The following MAPKAP1 variants were observed in gnomAD, a reference collection of about 807,000 sequenced individuals.
The protein encoded by MAPKAP1 is MAPK associated protein 1.
Under a neutral mutation model 65.7 loss-of-function variants are expected in MAPKAP1, and 20 were observed. The ratio of observed to expected loss-of-function variants is 0.30; its 90% CI spans 0.21 to 0.44. The LOEUF is 0.44. Ranked by LOEUF, MAPKAP1 falls within the 20% of genes least tolerant of loss-of-function variation. MAPKAP1 has a pLI of 1.00. For synonymous variants in MAPKAP1, 222 were observed against 244.3 expected (o/e 0.91, Z 0.85); for missense variants, 423 against 648.0 (o/e 0.65, Z 3.77).
intron 7 of MAPKAP1, among the ~76,000 whole-genome samples, chr9:125,507,487 A>G (rs1447172007): frequency 6.6e-6 from 1 of 152,216 alleles, no homozygotes; most frequent in Non-Finnish European, 1.5e-5. Flanking sequence ...CAACTTGTGG[A>G]TTAATCACAT....
At chr9:125,541,672 G>A (rs937643249) in intron 7 of MAPKAP1, among the ~76,000 whole-genome samples, 1 of 152,012 alleles carries the variant, frequency 6.6e-6, no homozygotes, top group South Asian at 2.1e-4. Context: ...TGACCCCCAC[G>A]CAATGGATAA....
At chr9:125,488,566 G>A (rs886134748) in intron 8 of MAPKAP1, among the ~76,000 whole-genome samples, 1 of 152,142 alleles carries the variant, frequency 6.6e-6, no homozygotes, top group South Asian at 2.1e-4. Context: ...GGCTGGTCTC[G>A]AACTCCTGAC....
chr9:125,615,845 C>A (rs143033443), intron 4 of MAPKAP1, among the ~76,000 whole-genome samples: 4 of 150,220 alleles, frequency 2.7e-5, no homozygotes, highest in African/African-American at 9.8e-5. Flanking sequence ...GTTGCAGAGG[C>A]GGATGTTGCA....
chr9:125,446,306 A>G (rs1359215925), intron 10 of MAPKAP1, among the ~76,000 whole-genome samples: 1 of 152,192 alleles, frequency 6.6e-6, no homozygotes, highest in Non-Finnish European at 1.5e-5. Context: ...AAATTACCTA[A>G]TAATTTCTGA....
intron 1 of MAPKAP1, among the ~76,000 whole-genome samples, chr9:125,674,356 T>A (rs928045538): frequency 6.6e-6 from 1 of 152,228 alleles, no homozygotes; most frequent in Admixed American, 6.5e-5. Flanking sequence ...TCTTAGTAAG[T>A]TCGTGGCACA....
intron 1 of MAPKAP1, among the ~76,000 whole-genome samples, chr9:125,699,277 T>C (rs955499453): frequency 6.6e-5 from 10 of 152,262 alleles, no homozygotes; most frequent in South Asian, 2.1e-4. Context: ...AGCACAATCA[T>C]GGCTCACTGC....
In MAPKAP1 at chr9:125,649,188, A is replaced by G. The variant is rs1011247352; in HGVS notation, c.498+8463T>C. 2.6e-5 allele frequency among the ~76,000 whole-genome samples: 4 copies of G among 152,316 alleles called. No individual in the cohort carries two copies. In the South Asian group the frequency reaches 6.2e-4, roughly 24 times the overall value. Reference sequence around the variant, plus strand: ...ACCATCCCTAGTCCCCTCCATACCTACAAGGATTGTCTCCTGGGCTAGACC... The same window carrying G: ...ACCATCCCTAGTCCCCTCCATACCTGCAAGGATTGTCTCCTGGGCTAGACC... On this transcript the variant is annotated intron_variant, in intron 4 of 11. Transcript: ENST00000265960.
intron 4 of MAPKAP1, among the ~76,000 whole-genome samples, chr9:125,607,954 A>G (rs910867239): frequency 2.2e-4 from 33 of 152,212 alleles, no homozygotes; most frequent in African/African-American, 8.0e-4. Flanking sequence ...GGGGGCAAAG[A>G]GCAAACAAGT....
chr9:125,577,347 G>C (rs556833920), intron 5 of MAPKAP1, among the ~76,000 whole-genome samples: 24 of 151,418 alleles, frequency 1.6e-4, no homozygotes, highest in Non-Finnish European at 2.7e-4. Flanking sequence ...GGTAAGTGAG[G>C]AGCGTCTCCG....
At chr9:125,645,918 A>G (rs1048487421) in intron 4 of MAPKAP1, among the ~76,000 whole-genome samples, 1 of 152,040 alleles carries the variant, frequency 6.6e-6, no homozygotes, top group Admixed American at 6.6e-5. Flanking sequence ...CGATCATGTA[A>G]AATTATTCCC....
intron 5 of MAPKAP1, among the ~76,000 whole-genome samples, chr9:125,578,192 G>A (rs1831506535): frequency 6.6e-6 from 1 of 152,164 alleles, no homozygotes; most frequent in South Asian, 2.1e-4. Flanking sequence ...TGGATTAAGG[G>A]CGTGCAAGAT....
intron 8 of MAPKAP1, among the ~76,000 whole-genome samples, chr9:125,499,636 C>T (rs73591562): frequency 0.014 from 2,156 of 152,190 alleles, 47 homozygotes; most frequent in African/African-American, 0.048. Context: ...GGAACTAGAG[C>T]CCAGATTTCA....
chr9:125,517,937 C>T (rs933872540), intron 7 of MAPKAP1, among the ~76,000 whole-genome samples: 9 of 150,262 alleles, frequency 6.0e-5, no homozygotes, highest in Non-Finnish European at 4.4e-5. Context: ...AGCATCAGGG[C>T]ACTCTTTGAA....
At chr9:125,463,662 C>G (rs549694368) in intron 10 of MAPKAP1, among the ~76,000 whole-genome samples, 29 of 152,238 alleles carry the variant, frequency 1.9e-4, no homozygotes, top group African/African-American at 6.7e-4. Context: ...GGACAAAAAG[C>G]AAAACAAAAC....
chr9:125,666,546 T>G (rs2131783358), intron 3 of MAPKAP1, among the ~76,000 whole-genome samples: 1 of 152,334 alleles, frequency 6.6e-6, no homozygotes, highest in East Asian at 1.9e-4. Context: ...CATGTGCCTG[T>G]AGTCCTAGCT....
At chr9:125,544,646 C>T (rs1830368888) in intron 6 of MAPKAP1, among the ~76,000 whole-genome samples, 1 of 152,162 alleles carries the variant, frequency 6.6e-6, no homozygotes, top group African/African-American at 2.4e-5. Flanking sequence ...ATGTAACAAA[C>T]GGGACCCAAG....
At chr9:125,631,428 C>T (rs772510908) in intron 4 of MAPKAP1, among the ~76,000 whole-genome samples, 5 of 152,234 alleles carry the variant, frequency 3.3e-5, no homozygotes, top group Non-Finnish European at 7.3e-5. Context: ...GCAATGTTCA[C>T]ATCTTCTCTG....
At chr9:125,686,052 C>T (rs1475176707) in intron 1 of MAPKAP1, among the ~76,000 whole-genome samples, 1 of 152,182 alleles carries the variant, frequency 6.6e-6, no homozygotes, top group Non-Finnish European at 1.5e-5. Flanking sequence ...TGCAGTGGCT[C>T]ATGCCTGTAA....
chr9:125,581,776 C>T (rs924066426), intron 5 of MAPKAP1, among the ~76,000 whole-genome samples: 7 of 151,716 alleles, frequency 4.6e-5, no homozygotes, highest in Non-Finnish European at 7.4e-5. Context: ...TTAATTAATA[C>T]AAGATACATG....
Sources: allele counts gnomAD v4.1 joint callset (sites outside exome capture counted in the v4.1 genomes callset), GRCh38; gene constraint gnomAD v4.1.1; transcripts MANE v1.5; gene names NCBI Gene and HGNC (gene_info 2026-07-23, HGNC 2026-07-21).